Variants in PTCHD4 observed in about 807,000 individuals in gnomAD.
PTCHD4 encodes the protein patched domain containing 4, also known as patched domain-containing protein 4.
In PTCHD4, 33 loss-of-function variants were observed where a neutral mutation model predicts 58.1. The observed-to-expected ratio is 0.57, with a 90% confidence interval of 0.43 to 0.76. The LOEUF (loss-of-function observed/expected upper bound fraction) is 0.76, where lower values mean the gene tolerates loss of function less well. PTCHD4 is among the 30% of genes least tolerant of loss of function. The pLI is 0.00. For synonymous variants in PTCHD4, 478 were observed against 409.6 expected (o/e 1.17, Z -2.02); for missense variants, 1,058 against 1,027.1 (o/e 1.03, Z -0.41).
At chr6:47,985,528 T>C (rs1228870050) in intron 4 of PTCHD4, among the ~76,000 whole-genome samples, 1 of 152,128 alleles carries the variant, frequency 6.6e-6, no homozygotes, top group African/African-American at 2.4e-5. Flanking sequence ...ATTTATGATA[T>C]AACTATTCCT....
chr6:47,954,528 C>T (rs1766778439), intron 4 of PTCHD4, among the ~76,000 whole-genome samples: 1 of 152,124 alleles, frequency 6.6e-6, no homozygotes, highest in South Asian at 2.1e-4. Flanking sequence ...TCTTATGAAA[C>T]CTGTGTCTAG....
intron 4 of PTCHD4, among the ~76,000 whole-genome samples, chr6:47,895,196 A>G (rs1764497108): frequency 6.6e-6 from 1 of 152,146 alleles, no homozygotes; most frequent in South Asian, 2.1e-4. Context: ...GCAGACAGCT[A>G]AGATGATAAA....
At position 47,889,505 on chromosome 6, in the gene PTCHD4, G is replaced by T. The variant is rs1299098614; in HGVS notation, c.899-9569C>A. On this transcript the variant is annotated intron_variant, in intron 4 of 4. Coordinates refer to ENST00000339488, the MANE Select transcript of PTCHD4 (RefSeq NM_001384253.1). ...CCTTCACCCACTTTTTGATGGGGTT[G>T]TTTTTTTCTTGTAAATTTGTTTGAG... is the stretch of plus-strand genomic sequence containing the variant. Among the ~76,000 whole-genome samples the T allele has an allele frequency of 2.6e-4, 40 of 151,928 alleles. 1 individual carries two copies. Among genetic ancestry groups the T allele is most frequent in the Admixed American group, 2.5e-3 (38 of 15,240 alleles).
chr6:47,878,354 T>C lies in PTCHD4; in HGVS notation c.2481A>G (p.Glu827=). ...TCTCTTGAATTTCTATGCATTCAAT[T>C]TCCTCTCTCTCCTTTCGCTTGGCAC... The part of the protein sequence containing the change: ...KKRAKRKERE[E]IECIEIQENP... Residue 827 remains glutamate, a synonymous_variant, in exon 5 of 5, where the codon GAA becomes GAG. Transcript: ENST00000339488. 1.9e-6 allele frequency: 3 copies of C among 1,610,620 alleles called. No homozygotes were observed. The highest frequency in any genetic ancestry group is 2.2e-5 in the South Asian group (2 of 90,702).
intron 4 of PTCHD4, among the ~76,000 whole-genome samples, chr6:47,923,780 T>G (rs538961715): frequency 2.6e-5 from 4 of 152,350 alleles, no homozygotes; most frequent in African/African-American, 9.6e-5. Context: ...AGTTTGAACA[T>G]GTAAGAATGC....
intron 1 of PTCHD4, among the ~76,000 whole-genome samples, chr6:48,084,022 T>A (rs180785178): frequency 2.6e-5 from 4 of 151,984 alleles, no homozygotes; most frequent in African/African-American, 9.6e-5. Context: ...TCTGTGGTAA[T>A]TTGCTATAGC....
rs1763630465 is a variant in PTCHD4 at position 47,868,469 on chromosome 6, C to A, written c.*9834G>T. 6.6e-6 allele frequency among the ~76,000 whole-genome samples: 1 copy of A among 151,692 alleles called. No homozygotes were observed. Among genetic ancestry groups the A allele is most frequent in the Admixed American group, 6.6e-5 (1 of 15,180 alleles). On this transcript the variant is annotated 3_prime_UTR_variant, in exon 5 of 5. Coordinates refer to ENST00000339488, the MANE Select transcript of PTCHD4 (RefSeq NM_001384253.1). Reference sequence around the variant, plus strand: ...TGAAATTATTAAATAACCTCCTTTTCATTAGGTCATGAGCAGGCAACTGAT... The same window carrying A: ...TGAAATTATTAAATAACCTCCTTTTAATTAGGTCATGAGCAGGCAACTGAT...
intron 3 of PTCHD4, among the ~76,000 whole-genome samples, chr6:48,012,777 C>G (rs945844367): frequency 6.6e-6 from 1 of 152,214 alleles, no homozygotes; most frequent in Non-Finnish European, 1.5e-5. Context: ...AAGTTTTTAG[C>G]ATGAAGGGGT....
At chr6:47,938,242 G>A (rs948380273) in intron 4 of PTCHD4, among the ~76,000 whole-genome samples, 6 of 152,166 alleles carry the variant, frequency 3.9e-5, no homozygotes, top group African/African-American at 1.4e-4. Context: ...TGAGGACTGA[G>A]GATTAATCAT....
intron 1 of PTCHD4, among the ~76,000 whole-genome samples, chr6:48,080,694 A>C (rs1384993129): frequency 6.6e-6 from 1 of 152,232 alleles, no homozygotes; most frequent in Non-Finnish European, 1.5e-5. Flanking sequence ...ACGGAAGATA[A>C]AAGAAGTATA....
chr6:47,979,410 T>C (rs780847963), intron 4 of PTCHD4, among the ~76,000 whole-genome samples: 18 of 152,066 alleles, frequency 1.2e-4, no homozygotes, highest in Non-Finnish European at 2.2e-4. Flanking sequence ...GGGGTGAAAG[T>C]TAAAATGGAT....
At chr6:48,022,537 C>T (rs947495498) in intron 3 of PTCHD4, among the ~76,000 whole-genome samples, 1 of 151,950 alleles carries the variant, frequency 6.6e-6, no homozygotes, top group African/African-American at 2.4e-5. Context: ...TTTAATAAAG[C>T]CAAGAAAGTA....
At chr6:48,109,638 T>A (rs1295198156) in intron 1 of PTCHD4, among the ~76,000 whole-genome samples, 1 of 151,816 alleles carries the variant, frequency 6.6e-6, no homozygotes, top group Non-Finnish European at 1.5e-5. Flanking sequence ...TGGGAGAAAA[T>A]ATTTGCAAGC....
At chr6:48,078,651 AT>A (rs935326994) in intron 1 of PTCHD4, among the ~76,000 whole-genome samples, 1 of 151,944 alleles carries the variant, frequency 6.6e-6, no homozygotes, top group Non-Finnish European at 1.5e-5. Flanking sequence ...GATTTTCTAC[AT>A]TTTTTTCTTC....
chr6:48,035,567 C>T (rs377124222), intron 3 of PTCHD4, among the ~76,000 whole-genome samples: 2 of 152,166 alleles, frequency 1.3e-5, no homozygotes, highest in Admixed American at 6.6e-5. Flanking sequence ...AGAAACTCTA[C>T]TCAAGCTCTT....
rs1344536538 is a variant in PTCHD4, at chr6:47,872,870, G to A, written c.*5433C>T. Among the ~76,000 whole-genome samples, 2 of 151,462 alleles carry A rather than the reference G, an allele frequency of 1.3e-5. No homozygotes were observed. Among genetic ancestry groups the A allele is most frequent in the Non-Finnish European group, 3.0e-5 (2 of 67,714 alleles). On this transcript the variant is annotated 3_prime_UTR_variant, in exon 5 of 5. Coordinates refer to ENST00000339488, the MANE Select transcript of PTCHD4 (RefSeq NM_001384253.1). ...TTAACCCTATATATTGCTCTTTTGAGTTGTTTTCCGTTTTATAAGAAAAGC... is the reference window on the plus strand; with the variant it reads ...TTAACCCTATATATTGCTCTTTTGAATTGTTTTCCGTTTTATAAGAAAAGC...
chr6:47,912,558 C>T (rs1765103840), intron 4 of PTCHD4, among the ~76,000 whole-genome samples: 1 of 152,122 alleles, frequency 6.6e-6, no homozygotes, highest in South Asian at 2.1e-4. Flanking sequence ...ACTGTATTTC[C>T]ATTTCCTCAG....
In PTCHD4 at chr6:47,863,236, T is replaced by A. The variant is rs1213949934; in HGVS notation, c.*15067A>T. Among the ~76,000 whole-genome samples the A allele has an allele frequency of 6.6e-6, 1 of 151,834 alleles. No individual in the cohort carries two copies. The highest frequency in any genetic ancestry group is 6.6e-5 in the Admixed American group (1 of 15,210). On this transcript the variant is annotated 3_prime_UTR_variant, in exon 5 of 5. Coordinates refer to ENST00000339488, the MANE Select transcript of PTCHD4 (RefSeq NM_001384253.1). ...TGGAGTCCCCTTTTAAGGAAAAGAATGCAAAAATATCATACATTTGAAAAT... is the reference window on the plus strand; with the variant it reads ...TGGAGTCCCCTTTTAAGGAAAAGAAAGCAAAAATATCATACATTTGAAAAT...
At chr6:47,971,349 C>T (rs1357162130) in intron 4 of PTCHD4, among the ~76,000 whole-genome samples, 1 of 151,858 alleles carries the variant, frequency 6.6e-6, no homozygotes, top group Non-Finnish European at 1.5e-5. Context: ...AAAAAAATCC[C>T]TCTAGAAGAG....
Sources: allele counts gnomAD v4.1 joint callset (sites outside exome capture counted in the v4.1 genomes callset), GRCh38; gene constraint gnomAD v4.1.1; transcripts MANE v1.5; gene names NCBI Gene and HGNC (gene_info 2026-07-23, HGNC 2026-07-21).